The following RGS7BP variants were observed in gnomAD, a reference collection of about 807,000 sequenced individuals.
The protein encoded by RGS7BP is regulator of G protein signaling 7 binding protein.
RGS7BP carries 9 observed loss-of-function variants against 31.3 expected under a neutral mutation model. The ratio of observed to expected loss-of-function variants is 0.29; its 90% CI spans 0.17 to 0.50. The LOEUF (loss-of-function observed/expected upper bound fraction) is 0.50. RGS7BP is among the 20% of genes least tolerant of loss of function. The pLI, the probability that RGS7BP is intolerant of heterozygous loss-of-function variation, is 0.98. For synonymous variants in RGS7BP, 115 were observed against 120.1 expected, an observed-to-expected ratio of 0.96 and a Z score of 0.28; for missense variants, 274 against 322.0, an observed-to-expected ratio of 0.85 and a Z score of 1.14.
Position 64,609,286 on chromosome 5 carries a change from G to GA in RGS7BP, c.*42dup, listed in dbSNP as rs750264545. ...TCCTGGAAACCCACTGAGAACATCT[G>GA]AAAAAAAATCACAAAACCCGAGGAC... is the stretch of plus-strand genomic sequence containing the variant. On this transcript the variant is annotated 3_prime_UTR_variant, in exon 6 of 6. Coordinates refer to ENST00000334025, the MANE Select transcript of RGS7BP (RefSeq NM_001029875.3). 5.2e-5 allele frequency: 67 copies of GA among 1,291,256 alleles called. No homozygotes were observed. Among genetic ancestry groups the GA allele is most frequent in the East Asian group, 2.5e-4 (11 of 43,454 alleles). The allele number at this position is 1,291,256 out of a possible 1,614,324, so 80.0% of individuals were successfully genotyped here.
intron 2 of RGS7BP, among the ~76,000 whole-genome samples, chr5:64,540,205 A>G: frequency 6.6e-6 from 1 of 152,200 alleles, no homozygotes; most frequent in South Asian, 2.1e-4. Context: ...CAGAAAGTTT[A>G]GAAATTACAG....
In RGS7BP at chr5:64,507,731, A is replaced by C; in HGVS notation, c.186A>C (p.Thr62=). ...DCKMLVQEFN[T]QVALYRELVI... is the part of the protein sequence containing the mutation. ...TCCAGCTTGTCCAAGAGTTCAACAC[A>C]CAAGTGGCCCTGTACCGAGAGCTGG... The change falls in exon 2 of 6, where the codon ACA becomes ACC. Residue 62 remains threonine, a synonymous_variant. Transcript: ENST00000334025. The C allele has an allele frequency of 1.9e-6, 3 of 1,593,832 alleles. No homozygotes were observed. The highest frequency in any genetic ancestry group is 4.5e-5 in the East Asian group (2 of 44,682).
chr5:64,513,231 C>T (rs1748886706), intron 2 of RGS7BP, among the ~76,000 whole-genome samples: 1 of 152,186 alleles, frequency 6.6e-6, no homozygotes, highest in Non-Finnish European at 1.5e-5. Flanking sequence ...AACGAACATC[C>T]TAGAGGTCCA....
intron 2 of RGS7BP, among the ~76,000 whole-genome samples, chr5:64,573,876 C>T (rs766944791): frequency 7.2e-5 from 11 of 152,060 alleles, no homozygotes; most frequent in Non-Finnish European, 1.6e-4. Flanking sequence ...ACAATATATA[C>T]ATGTATCAAA....
intron 2 of RGS7BP, among the ~76,000 whole-genome samples, chr5:64,532,765 C>A (rs549467610): frequency 3.9e-5 from 6 of 152,024 alleles, no homozygotes; most frequent in African/African-American, 2.4e-5. Flanking sequence ...GAGTCTGTTG[C>A]CCCCACACAC....
intron 3 of RGS7BP, among the ~76,000 whole-genome samples, chr5:64,592,558 G>A (rs1279584755): frequency 2.6e-5 from 4 of 152,094 alleles, no homozygotes; most frequent in Non-Finnish European, 4.4e-5. Flanking sequence ...GTGATATGGA[G>A]GAGGTGGAGA....
intron 2 of RGS7BP, among the ~76,000 whole-genome samples, chr5:64,553,171 CTTTTTTTTTTT>C (rs542252038): frequency 8.5e-6 from 1 of 118,236 alleles, no homozygotes; most frequent in African/African-American, 3.2e-5. Context: ...TTCTTTCTTT[CTTTTTTTTTTT>C]TTTTTTTTGA....
intron 2 of RGS7BP, among the ~76,000 whole-genome samples, chr5:64,560,229 C>A (rs1480226990): frequency 2.0e-5 from 3 of 152,076 alleles, no homozygotes; most frequent in Non-Finnish European, 4.4e-5. Flanking sequence ...ATGGTTGTAA[C>A]AGACTAACCC....
intron 2 of RGS7BP, among the ~76,000 whole-genome samples, chr5:64,575,081 TTA>T (rs1482527526): frequency 2.0e-5 from 3 of 152,180 alleles, no homozygotes; most frequent in South Asian, 2.1e-4. Flanking sequence ...GTTTTATCAT[TTA>T]TATATGTTTT....
rs141630475 is a variant in RGS7BP at position 64,528,862 on chromosome 5, C to G, written c.332+20985C>G. 2.4e-3 allele frequency among the ~76,000 whole-genome samples: 347 copies of G among 146,446 alleles called. 3 individuals carry two copies. The highest frequency in any genetic ancestry group is 4.2e-3 in the Non-Finnish European group (279 of 66,980). ...AGTGGGAGGGAGGATAATAATGGCA[C>G]CAATTTCACTGGGTTGCCATGAGAA... On this transcript the variant is annotated intron_variant, in intron 2 of 5. Transcript: ENST00000334025.
chr5:64,541,594 A>G (rs1273907066), intron 2 of RGS7BP, among the ~76,000 whole-genome samples: 1 of 152,230 alleles, frequency 6.6e-6, no homozygotes, highest in Admixed American at 6.5e-5. Context: ...ATCATTCTTA[A>G]GTGTGGCCAA....
intron 3 of RGS7BP, among the ~76,000 whole-genome samples, chr5:64,576,952 T>C (rs1742448498): frequency 6.6e-6 from 1 of 152,194 alleles, no homozygotes; most frequent in Non-Finnish European, 1.5e-5. Context: ...GCCTATGATT[T>C]AAATTCAGAG....
chr5:64,605,012 T>C (rs1324530584), intron 5 of RGS7BP, among the ~76,000 whole-genome samples: 15 of 151,952 alleles, frequency 9.9e-5, no homozygotes, highest in Admixed American at 9.8e-4. Flanking sequence ...ACTCCAAAAA[T>C]AAATAAAATT....
At chr5:64,553,740 G>A (rs762105730) in intron 2 of RGS7BP, among the ~76,000 whole-genome samples, 8 of 152,064 alleles carry the variant, frequency 5.3e-5, no homozygotes, top group Non-Finnish European at 1.0e-4. Flanking sequence ...GATTGAGTGA[G>A]ATAATGTATC....
At chr5:64,538,517 C>CT (rs1741435523) in intron 2 of RGS7BP, among the ~76,000 whole-genome samples, 1 of 88,312 alleles carries the variant, frequency 1.1e-5, no homozygotes, top group African/African-American at 4.6e-5. Flanking sequence ...TTTTTTTTTT[C>CT]CTTTTCTTTT....
In RGS7BP at chr5:64,555,838, A is replaced by G. The variant is rs116630731; in HGVS notation, c.333-19936A>G. ...AAAATTGGTACACATATGCTACACA[A>G]TGCTAGAAACATTGAAGTTTAAATT... On this transcript the variant is annotated intron_variant, in intron 2 of 5. Coordinates refer to ENST00000334025, the MANE Select transcript of RGS7BP (RefSeq NM_001029875.3). Among the ~76,000 whole-genome samples, 218 of 152,312 alleles carry G rather than the reference A, an allele frequency of 1.4e-3. 1 individual carries two copies. The highest frequency in any genetic ancestry group is 4.9e-3 in the African/African-American group (205 of 41,578).
chr5:64,598,493 A>T, intron 5 of RGS7BP, 58 bp downstream of exon 5: 1 of 1,060,970 alleles, frequency 9.4e-7, no homozygotes, highest in South Asian at 1.3e-5. Context: ...TAACCTTGGG[A>T]ATTGTTTCTT....
chr5:64,562,405 A>G (rs1424572182), intron 2 of RGS7BP, among the ~76,000 whole-genome samples: 2 of 152,018 alleles, frequency 1.3e-5, no homozygotes, highest in Non-Finnish European at 1.5e-5. Context: ...CTTTTTGACA[A>G]TGCTATGAAG....
At chr5:64,513,513 G>A (rs1341533339) in intron 2 of RGS7BP, among the ~76,000 whole-genome samples, 3 of 152,188 alleles carry the variant, frequency 2.0e-5, no homozygotes, top group Non-Finnish European at 4.4e-5. Flanking sequence ...AAGTTAGGAG[G>A]TGGGAGAGTG....
Sources: gnomAD v4.1 joint callset for allele counts (sites outside exome capture counted in the v4.1 genomes callset) on GRCh38, gnomAD v4.1.1 for gene constraint, MANE v1.5 for transcripts, NCBI Gene and HGNC (gene_info 2026-07-23, HGNC 2026-07-21) for gene names.